ITPR2: variants seen among roughly 807,000 people sequenced by gnomAD.
ITPR2 encodes inositol 1,4,5-trisphosphate-gated calcium channel ITPR2.
Under a neutral mutation model 317.1 loss-of-function variants are expected in ITPR2, and 207 were observed. That is an observed-to-expected ratio of 0.65 (90% CI 0.58 to 0.73). The LOEUF (loss-of-function observed/expected upper bound fraction) is 0.73, where lower values mean the gene tolerates loss of function less well. Ranked by LOEUF, ITPR2 falls within the 30% of genes least tolerant of loss-of-function variation. The probability of loss-of-function intolerance (pLI) is 0.00; values close to 1 mark genes in which losing one functional copy is unlikely to be tolerated. For synonymous variants in ITPR2, 1,156 were observed against 1,149.1 expected (o/e 1.01, Z -0.12); for missense variants, 2,613 against 3,284.0 (o/e 0.80, Z 4.99).
chr12:26,758,867 T>C, intron 2 of ITPR2, among the ~76,000 whole-genome samples: 1 of 152,196 alleles, frequency 6.6e-6, no homozygotes, highest in Non-Finnish European at 1.5e-5. Context: ...GAAATATAAA[T>C]GGAAATATAT....
intron 48 of ITPR2, among the ~76,000 whole-genome samples, chr12:26,430,517 G>A (rs1225923765): frequency 3.9e-5 from 6 of 152,160 alleles, no homozygotes; most frequent in African/African-American, 1.2e-4. Flanking sequence ...ACCTGCCTTG[G>A]CCTCCCAAAG....
intron 35 of ITPR2, among the ~76,000 whole-genome samples, chr12:26,560,691 C>T (rs576192863): frequency 1.3e-5 from 2 of 152,290 alleles, no homozygotes; most frequent in South Asian, 4.1e-4. Context: ...TTTAGATAAC[C>T]CTATCCTACA....
At chr12:26,712,777 C>A (rs887824992) in intron 8 of ITPR2, among the ~76,000 whole-genome samples, 2 of 152,240 alleles carry the variant, frequency 1.3e-5, no homozygotes, top group East Asian at 3.9e-4. Context: ...AAGGGCAGTA[C>A]GGCTCCCTAG....
chr12:26,507,176 G>A (rs1310731238), intron 37 of ITPR2, among the ~76,000 whole-genome samples: 2 of 152,216 alleles, frequency 1.3e-5, no homozygotes, highest in East Asian at 3.9e-4. Context: ...AAAGAATTTT[G>A]CAGAGAGAAA....
At chr12:26,416,123 T>C (rs968058093) in intron 50 of ITPR2, among the ~76,000 whole-genome samples, 5 of 152,190 alleles carry the variant, frequency 3.3e-5, no homozygotes, top group Admixed American at 6.5e-5. Flanking sequence ...CTTTAGTATA[T>C]ACTTTTGGAA....
chr12:26,355,146 G>C (rs776025180), intron 55 of ITPR2, among the ~76,000 whole-genome samples: 1 of 152,192 alleles, frequency 6.6e-6, no homozygotes, highest in Non-Finnish European at 1.5e-5. Context: ...AATGACCACT[G>C]TAGATAACTT....
At position 26,550,264 on chromosome 12, in the gene ITPR2, C is replaced by T; in HGVS notation, c.5056G>A (p.Asp1686Asn). ...AAAAATACCTCTTCCACAAAGCTGT[C>T]TTTCTTCTCTAACATTTCTCGTAAT... ...QTLREMLEKK[D>N]SFVEEGNTLR... is the part of the protein sequence containing the mutation. The change falls in exon 37 of 57, where the codon GAC becomes AAC. Residue 1686 changes from aspartate (D) to asparagine (N), a missense_variant. Physicochemically the swap from Asp to Asn is conservative, Grantham distance 23. Coordinates refer to ENST00000381340, the MANE Select transcript of ITPR2 (RefSeq NM_002223.4). 1.3e-6 allele frequency: 2 copies of T among 1,482,994 alleles called. No individual in the cohort carries two copies. The highest frequency in any genetic ancestry group is 1.2e-5 in the South Asian group (1 of 83,740). The allele number at this position is 1,482,994 out of a possible 1,614,324, so 91.9% of individuals were successfully genotyped here.
At chr12:26,810,008 G>A (rs1446362730) in intron 1 of ITPR2, among the ~76,000 whole-genome samples, 3 of 152,116 alleles carry the variant, frequency 2.0e-5, no homozygotes. Context: ...GTACACTAAG[G>A]GCTTTGTCAC....
At chr12:26,341,457 G>GT (rs2136541311) in intron 55 of ITPR2, among the ~76,000 whole-genome samples, 1 of 152,328 alleles carries the variant, frequency 6.6e-6, no homozygotes, top group East Asian at 1.9e-4. Context: ...CCCAATTTGT[G>GT]TATCTCTAGA....
At position 26,580,390 on chromosome 12, in the gene ITPR2, A is replaced by C. The variant is rs77657348; in HGVS notation, c.4381-235T>G. ...AGCCTTGAAACCAGAATTCTTTCAC[A>C]GACCCCCAGCCTCTTCTTTTTAATT... On this transcript the variant is annotated intron_variant, in intron 32 of 56. Coordinates refer to ENST00000381340, the MANE Select transcript of ITPR2 (RefSeq NM_002223.4). 5.1e-3 allele frequency among the ~76,000 whole-genome samples: 784 copies of C among 152,280 alleles called. 6 individuals carry two copies. Among genetic ancestry groups the C allele is most frequent in the African/African-American group, 0.017 (707 of 41,576 alleles).
chr12:26,537,255 G>A (rs1408278432), intron 37 of ITPR2, among the ~76,000 whole-genome samples: 1 of 152,208 alleles, frequency 6.6e-6, no homozygotes, highest in African/African-American at 2.4e-5. Flanking sequence ...TTTCAAGAGA[G>A]TGGGCAGTGG....
At chr12:26,658,576 T>A (rs1315530124) in intron 16 of ITPR2, among the ~76,000 whole-genome samples, 1 of 152,222 alleles carries the variant, frequency 6.6e-6, no homozygotes, top group Admixed American at 6.5e-5. Flanking sequence ...CTAGCATTTA[T>A]TTGCTGTGCT....
At chr12:26,485,112 T>G (rs1341081194) in intron 41 of ITPR2, among the ~76,000 whole-genome samples, 1 of 151,958 alleles carries the variant, frequency 6.6e-6, no homozygotes, top group African/African-American at 2.4e-5. Flanking sequence ...ACCTGGGCCC[T>G]GACAATATTC....
At chr12:26,518,869 T>G (rs1052383179) in intron 37 of ITPR2, among the ~76,000 whole-genome samples, 4 of 151,964 alleles carry the variant, frequency 2.6e-5, no homozygotes, top group African/African-American at 9.7e-5. Flanking sequence ...CAGAAAAAAA[T>G]TAAATGATCA....
At chr12:26,734,090 C>CA (rs5797194) in intron 2 of ITPR2, among the ~76,000 whole-genome samples, 9,331 of 152,212 alleles carry the variant, frequency 0.061, 372 homozygotes, top group African/African-American at 0.12. Context: ...GGTCTTGTCA[C>CA]ATACATTATC....
chr12:26,447,121 A>G (rs922291860), intron 45 of ITPR2, among the ~76,000 whole-genome samples: 1 of 152,074 alleles, frequency 6.6e-6, no homozygotes, highest in African/African-American at 2.4e-5. Flanking sequence ...AGCACTAAAA[A>G]CAGAATTTGA....
intron 55 of ITPR2, among the ~76,000 whole-genome samples, chr12:26,369,363 C>A (rs1460307524): frequency 6.6e-6 from 1 of 151,912 alleles, no homozygotes; most frequent in African/African-American, 2.4e-5. Flanking sequence ...TTTAGTGGCA[C>A]CTGTCATGGT....
Position 26,336,381 on chromosome 12 carries a change from G to A in ITPR2, c.*3016C>T, listed in dbSNP as rs1447637597. 6.6e-6 allele frequency: 1 copy of A among 152,166 alleles called. No homozygotes were observed. The highest frequency in any genetic ancestry group is 1.5e-5 in the Non-Finnish European group (1 of 68,036). The allele number at this position is 152,166 out of a possible 1,614,324, so 9.4% of individuals were successfully genotyped here. On this transcript the variant is annotated 3_prime_UTR_variant, in exon 57 of 57. Transcript: ENST00000381340. ...GAATAAGCACACAATTAGTTCTGAC[G>A]AAAGAAATATCTTCCTGATGTTATT...
intron 21 of ITPR2, among the ~76,000 whole-genome samples, chr12:26,640,822 G>A (rs1463590): frequency 0.84 from 127,302 of 152,186 alleles, 53,443 homozygotes; most frequent in East Asian, 0.97. Context: ...TCATCCTAAC[G>A]ACAGTGAGAT....
Sources: gnomAD v4.1 joint callset for allele counts (sites outside exome capture counted in the v4.1 genomes callset) on GRCh38, gnomAD v4.1.1 for gene constraint, MANE v1.5 for transcripts, NCBI Gene and HGNC (gene_info 2026-07-23, HGNC 2026-07-21) for gene names.